The following DLG2 variants were observed in gnomAD, a reference collection of about 807,000 sequenced individuals.
The protein encoded by DLG2 is discs large MAGUK scaffold protein 2.
In DLG2, 45 loss-of-function variants were observed where a neutral mutation model predicts 132.5. The observed-to-expected ratio is 0.34, with a 90% CI of 0.27 to 0.44. DLG2 has a LOEUF of 0.44. Among genes scored for constraint, DLG2 ranks in the 20% least tolerant of loss-of-function variants. DLG2 has a pLI of 1.00. For synonymous variants in DLG2, 424 were observed against 419.6 expected, an observed-to-expected ratio of 1.01 and a Z score of -0.13; for missense variants, 1,045 against 1,196.9, an observed-to-expected ratio of 0.87 and a Z score of 1.87.
intron 19 of DLG2, among the ~76,000 whole-genome samples, chr11:83,552,223 T>C (rs2096408457): frequency 6.6e-6 from 1 of 152,166 alleles, no homozygotes; most frequent in South Asian, 2.1e-4. Flanking sequence ...ATCAGGATTC[T>C]GGAATAGAGT....
At chr11:83,540,827 A>C (rs1487286208) in intron 20 of DLG2, among the ~76,000 whole-genome samples, 1 of 152,170 alleles carries the variant, frequency 6.6e-6, no homozygotes, top group East Asian at 1.9e-4. Flanking sequence ...ATTAAGCATA[A>C]TTCCTGACTG....
intron 6 of DLG2, among the ~76,000 whole-genome samples, chr11:85,096,085 A>G (rs1490879910): frequency 1.3e-5 from 2 of 152,110 alleles, no homozygotes; most frequent in East Asian, 1.9e-4. Flanking sequence ...GTAAAATGGA[A>G]TAAGTCAGCA....
chr11:84,794,600 C>G (rs2074307670), intron 6 of DLG2, among the ~76,000 whole-genome samples: 1 of 152,212 alleles, frequency 6.6e-6, no homozygotes, highest in Non-Finnish European at 1.5e-5. Context: ...TGGTTATGGG[C>G]CCAGGTATCT....
intron 3 of DLG2, among the ~76,000 whole-genome samples, chr11:85,391,427 T>C (rs1033330119): frequency 5.9e-5 from 9 of 152,110 alleles, no homozygotes; most frequent in Non-Finnish European, 1.3e-4. Context: ...GAATCCTCTC[T>C]AAATCATTCT....
At chr11:84,304,342 C>T (rs1356206399) in intron 7 of DLG2, among the ~76,000 whole-genome samples, 1 of 152,184 alleles carries the variant, frequency 6.6e-6, no homozygotes, top group Non-Finnish European at 1.5e-5. Context: ...TAAGGCAATA[C>T]TCTAATTTTG....
At chr11:83,830,630 T>C (rs1000075825) in intron 17 of DLG2, among the ~76,000 whole-genome samples, 4 of 152,232 alleles carry the variant, frequency 2.6e-5, no homozygotes, top group Admixed American at 2.0e-4. Context: ...CACAGTGCGG[T>C]GTGCACCAAG....
intron 3 of DLG2, among the ~76,000 whole-genome samples, chr11:85,478,045 T>C (rs913946865): frequency 2.0e-5 from 3 of 151,860 alleles, no homozygotes; most frequent in African/African-American, 7.3e-5. Context: ...TTTCGTTCTG[T>C]CACCTAGGCT....
intron 11 of DLG2, among the ~76,000 whole-genome samples, chr11:84,021,843 G>A (rs1297324600): frequency 1.3e-5 from 2 of 151,926 alleles, no homozygotes; most frequent in Non-Finnish European, 2.9e-5. Context: ...CGCCTACCGG[G>A]TTCAAGCGAT....
chr11:85,272,014 G>C (rs2077563414), intron 4 of DLG2, among the ~76,000 whole-genome samples: 1 of 152,158 alleles, frequency 6.6e-6, no homozygotes, highest in Non-Finnish European at 1.5e-5. Context: ...TGAATGATAT[G>C]GTTCGGCTAT....
chr11:84,763,728 T>C (rs905065166), intron 6 of DLG2, among the ~76,000 whole-genome samples: 24 of 152,198 alleles, frequency 1.6e-4, no homozygotes, highest in Non-Finnish European at 7.3e-5. Context: ...AGGTATACAG[T>C]AGTCATTCCA....
chr11:84,313,484 C>CAAAG lies in DLG2; in HGVS notation c.520-62197_520-62194dup, dbSNP rs149038962. Among the ~76,000 whole-genome samples, 57 of 115,608 alleles carry CAAAG rather than the reference C, an allele frequency of 4.9e-4. 1 individual carries two copies. Among genetic ancestry groups the CAAAG allele is most frequent in the African/African-American group, 1.3e-3 (38 of 29,644 alleles). The allele number at this position is 115,608 out of a possible 152,430, so 75.8% of individuals were successfully genotyped here. On this transcript the variant is annotated intron_variant, in intron 7 of 27. Transcript: ENST00000376104. The stretch of plus-strand genomic sequence containing the variant: ...TAGTAGGCATTCAGTACATGATAGT[C>CAAAG]AAAGAAAGAAAGAAAGAAAGAGAGA...
intron 7 of DLG2, among the ~76,000 whole-genome samples, chr11:84,307,791 C>T (rs764974108): frequency 1.3e-5 from 2 of 149,354 alleles, no homozygotes; most frequent in Admixed American, 6.7e-5. Flanking sequence ...TTCTGATGTT[C>T]GGAGGTGTCT....
At chr11:85,240,349 T>C (rs1422994898) in intron 4 of DLG2, among the ~76,000 whole-genome samples, 1 of 151,890 alleles carries the variant, frequency 6.6e-6, no homozygotes. Flanking sequence ...TGATTACTCT[T>C]ACTGTAGACA....
Position 85,598,020 on chromosome 11 carries a change from T to C in DLG2, c.40+637A>G, listed in dbSNP as rs572136199. On this transcript the variant is annotated intron_variant, in intron 3 of 27. Coordinates refer to ENST00000376104, the MANE Select transcript of DLG2 (RefSeq NM_001142699.3). ...TAAGAGATGTATATAAAAAAAAATA[T>C]ATAAATAAACCATATCCTTAATTTT... 3.2e-4 allele frequency among the ~76,000 whole-genome samples: 48 copies of C among 151,818 alleles called. 1 individual carries two copies. The East Asian group carries it at 9.1e-3, about 29-fold the overall frequency.
chr11:85,201,268 C>A (rs150971298), intron 4 of DLG2, among the ~76,000 whole-genome samples: 1 of 152,286 alleles, frequency 6.6e-6, no homozygotes, highest in East Asian at 1.9e-4. Flanking sequence ...ACCCACACAC[C>A]TCTGAGCCAA....
chr11:85,333,133 T>C (rs2152842898), intron 3 of DLG2, among the ~76,000 whole-genome samples: 1 of 150,482 alleles, frequency 6.6e-6, no homozygotes, highest in Admixed American at 6.6e-5. Flanking sequence ...TTTCAGCAAG[T>C]GTTCTCATTG....
chr11:85,133,176 CTT>C lies in DLG2; in HGVS notation c.282+21378_282+21379del, dbSNP rs1378721647. On this transcript the variant is annotated intron_variant, in intron 5 of 27. Transcript: ENST00000376104. The stretch of plus-strand genomic sequence containing the variant: ...AGGGAATCACATTTCAGCTCTTGCT[CTT>C]GTTTCTGAATTCTGATGTGCTGCTT... 2.3e-5 allele frequency: 4 copies of C among 174,550 alleles called. No individual in the cohort carries two copies. In the South Asian group the frequency reaches 4.2e-4, roughly 18 times the overall value. The allele number at this position is 174,550 out of a possible 1,614,324, so 10.8% of individuals were successfully genotyped here. A position where few individuals can be genotyped will look rare whatever the true frequency, so the allele number is the denominator to read the frequency against.
intron 4 of DLG2, among the ~76,000 whole-genome samples, chr11:85,193,636 G>A (rs111583314): frequency 1.3e-5 from 2 of 152,100 alleles, no homozygotes; most frequent in African/African-American, 2.4e-5. Flanking sequence ...TAATGTTATC[G>A]ATCATCTTTT....
intron 25 of DLG2, among the ~76,000 whole-genome samples, chr11:83,467,338 C>G (rs1338275899): frequency 6.6e-6 from 1 of 152,148 alleles, no homozygotes; most frequent in Non-Finnish European, 1.5e-5. Flanking sequence ...TTGTCTCACC[C>G]TGCCCAACAT....
Sources: gnomAD v4.1 joint callset for allele counts (sites outside exome capture counted in the v4.1 genomes callset) on GRCh38, gnomAD v4.1.1 for gene constraint, MANE v1.5 for transcripts, NCBI Gene and HGNC (gene_info 2026-07-23, HGNC 2026-07-21) for gene names.